Variants in GRIK1 observed in about 807,000 individuals in gnomAD.
GRIK1 encodes glutamate receptor ionotropic, kainate 1.
A neutral mutation model predicts 105.7 loss-of-function variants in GRIK1; 69 were observed. The observed-to-expected ratio is 0.65, with a 90% confidence interval of 0.54 to 0.80. GRIK1 has a LOEUF of 0.80. Among genes scored for constraint, GRIK1 ranks in the 30% least tolerant of loss-of-function variants. The probability of loss-of-function intolerance (pLI) is 0.00; values close to 1 mark genes in which losing one functional copy is unlikely to be tolerated. For synonymous variants in GRIK1, 438 were observed against 431.3 expected, an observed-to-expected ratio of 1.02 and a Z score of -0.19; for missense variants, 1,109 against 1,167.3, an observed-to-expected ratio of 0.95 and a Z score of 0.73.
intron 1 of GRIK1, among the ~76,000 whole-genome samples, chr21:29,722,977 T>C (rs2064360067): frequency 6.6e-6 from 1 of 152,202 alleles, no homozygotes; most frequent in South Asian, 2.1e-4. Flanking sequence ...CTATCTCAAT[T>C]TTAAGTTTTC....
intron 6 of GRIK1, among the ~76,000 whole-genome samples, chr21:29,647,252 T>C (rs978725351): frequency 3.9e-5 from 6 of 152,342 alleles, no homozygotes; most frequent in East Asian, 3.9e-4. Flanking sequence ...ATCTGTAGAG[T>C]AACACTGTAA....
intron 1 of GRIK1, among the ~76,000 whole-genome samples, chr21:29,750,461 T>G (rs2065165121): frequency 1.3e-5 from 2 of 152,044 alleles, no homozygotes; most frequent in South Asian, 2.1e-4. Flanking sequence ...GATGTAGCAA[T>G]TTTACCTGGA....
At chr21:29,882,924 T>C (rs138916976) in intron 1 of GRIK1, among the ~76,000 whole-genome samples, 66 of 152,208 alleles carry the variant, frequency 4.3e-4, no homozygotes, top group African/African-American at 1.5e-3. Flanking sequence ...TGCAACTTGC[T>C]TTACTTTCTT....
chr21:29,905,608 G>C (rs1339876294), intron 1 of GRIK1, among the ~76,000 whole-genome samples: 1 of 141,878 alleles, frequency 7.0e-6, no homozygotes, highest in Admixed American at 7.1e-5. Flanking sequence ...ATCATGCCCA[G>C]CAAATTTTGT....
chr21:29,596,475 C>T (rs1251935431), intron 9 of GRIK1, 51 bp downstream of exon 9: 4 of 1,234,464 alleles, frequency 3.2e-6, no homozygotes, highest in South Asian at 1.2e-5. Context: ...TTTCCAATGA[C>T]ATTCCCCATC....
At chr21:29,844,046 C>T (rs2068048586) in intron 1 of GRIK1, among the ~76,000 whole-genome samples, 2 of 152,186 alleles carry the variant, frequency 1.3e-5, no homozygotes, top group Non-Finnish European at 2.9e-5. Flanking sequence ...TGTACTCACA[C>T]TCTCATTACG....
At chr21:29,566,683 A>AT (rs11394126) in intron 14 of GRIK1, among the ~76,000 whole-genome samples, 8,987 of 152,282 alleles carry the variant, frequency 0.059, 828 homozygotes, top group African/African-American at 0.2. Context: ...TGCAGTGTTT[A>AT]TTTACTGTGT....
chr21:29,617,217 A>G (rs1002121722), intron 7 of GRIK1, among the ~76,000 whole-genome samples: 30 of 152,354 alleles, frequency 2.0e-4, no homozygotes, highest in African/African-American at 7.0e-4. Flanking sequence ...TCCTGGGAGC[A>G]ATCGAAGAGT....
At chr21:29,872,351 G>A (rs2069048926) in intron 1 of GRIK1, among the ~76,000 whole-genome samples, 1 of 151,870 alleles carries the variant, frequency 6.6e-6, no homozygotes, top group East Asian at 1.9e-4. Flanking sequence ...CCGCCATGAC[G>A]CCAGCTAATT....
chr21:29,707,430 T>TCCCC (rs1480502458), intron 1 of GRIK1, among the ~76,000 whole-genome samples: 1 of 91,076 alleles, frequency 1.1e-5, no homozygotes, highest in African/African-American at 5.0e-5. Flanking sequence ...TTCTTTCCCT[T>TCCCC]CCTCCCTCCC....
chr21:29,900,807 C>T (rs1247321977), intron 1 of GRIK1, among the ~76,000 whole-genome samples: 1 of 152,124 alleles, frequency 6.6e-6, no homozygotes, highest in East Asian at 1.9e-4. Context: ...ATCTACAGAA[C>T]CCTCTACCCC....
intron 1 of GRIK1, among the ~76,000 whole-genome samples, chr21:29,937,864 G>T (rs1196127680): frequency 6.6e-6 from 1 of 150,856 alleles, no homozygotes; most frequent in Non-Finnish European, 1.5e-5. Flanking sequence ...GTTAAACCTA[G>T]AACTTATCTC....
intron 2 of GRIK1, among the ~76,000 whole-genome samples, chr21:29,690,589 C>T (rs1006917984): frequency 1.3e-5 from 2 of 152,144 alleles, no homozygotes; most frequent in South Asian, 2.1e-4. Flanking sequence ...GACATTTTGT[C>T]CAACCCACTC....
At chr21:29,582,358 G>A (rs965863273) in intron 12 of GRIK1, 11 of 470,298 alleles carry the variant, frequency 2.3e-5, no homozygotes, top group East Asian at 7.0e-5. Context: ...TTCGGTAAGT[G>A]GTATGTTTTC....
At chr21:29,564,838 T>TA (rs1324779694) in intron 14 of GRIK1, among the ~76,000 whole-genome samples, 2 of 152,228 alleles carry the variant, frequency 1.3e-5, no homozygotes, top group Non-Finnish European at 2.9e-5. Flanking sequence ...GCAACATTTC[T>TA]AAACGCTTAC....
At chr21:29,803,497 T>C (rs1213608158) in intron 1 of GRIK1, among the ~76,000 whole-genome samples, 2 of 152,112 alleles carry the variant, frequency 1.3e-5, no homozygotes, top group African/African-American at 4.8e-5. Context: ...TGTGTTGTGT[T>C]GAGAGAATTT....
intron 6 of GRIK1, among the ~76,000 whole-genome samples, chr21:29,644,610 C>T (rs1357631199): frequency 2.0e-5 from 3 of 152,174 alleles, no homozygotes. Context: ...TCAGGACTTA[C>T]ACTATCCACT....
intron 13 of GRIK1, among the ~76,000 whole-genome samples, chr21:29,580,219 G>A (rs1199338076): frequency 6.7e-6 from 1 of 150,114 alleles, no homozygotes; most frequent in Non-Finnish European, 1.5e-5. Context: ...TAGGGAAGGA[G>A]CAGGGGTCTC....
intron 1 of GRIK1, among the ~76,000 whole-genome samples, chr21:29,852,831 C>A (rs2068351056): frequency 1.3e-5 from 2 of 152,270 alleles, no homozygotes; most frequent in South Asian, 4.1e-4. Flanking sequence ...TTTGAAATTG[C>A]AGTAGGGATA....
Sources: allele counts gnomAD v4.1 joint callset (sites outside exome capture counted in the v4.1 genomes callset), GRCh38; gene constraint gnomAD v4.1.1; transcripts MANE v1.5; gene names NCBI Gene and HGNC (gene_info 2026-07-23, HGNC 2026-07-21).